The following PCNX1 variants were observed in gnomAD, a reference collection of about 807,000 sequenced individuals.
PCNX1 encodes pecanex 1.
A neutral mutation model predicts 242.2 loss-of-function variants in PCNX1; 78 were observed. The ratio of observed to expected loss-of-function variants is 0.32; its 90% CI spans 0.27 to 0.39. The LOEUF (loss-of-function observed/expected upper bound fraction) is 0.39. PCNX1 is among the 10% of genes least tolerant of loss of function. The probability of loss-of-function intolerance (pLI) is 1.00; values close to 1 mark genes in which losing one functional copy is unlikely to be tolerated. For synonymous variants in PCNX1, 1,024 were observed against 1,032.9 expected (o/e 0.99, Z 0.17); for missense variants, 2,581 against 2,856.5 (o/e 0.90, Z 2.20).
intron 1 of PCNX1, among the ~76,000 whole-genome samples, chr14:70,916,048 AAGTG>A (rs1478604800): frequency 6.6e-6 from 1 of 152,162 alleles, no homozygotes; most frequent in African/African-American, 2.4e-5. Flanking sequence ...TTAGAGGACA[AAGTG>A]AGTGTGTTCT....
chr14:71,042,839 G>T (rs180727927), intron 19 of PCNX1, among the ~76,000 whole-genome samples: 44 of 151,704 alleles, frequency 2.9e-4, no homozygotes, highest in South Asian at 2.1e-4. Flanking sequence ...AATTTGATTG[G>T]TTTTTTGTAG....
chr14:71,074,758 A>G (rs2061669905), intron 27 of PCNX1, among the ~76,000 whole-genome samples: 1 of 152,138 alleles, frequency 6.6e-6, no homozygotes, highest in African/African-American at 2.4e-5. Context: ...AGGGCATCCC[A>G]AGGCTTAGCG....
At chr14:70,920,113 T>C (rs1367252396) in intron 1 of PCNX1, among the ~76,000 whole-genome samples, 1 of 152,180 alleles carries the variant, frequency 6.6e-6, no homozygotes, top group Admixed American at 6.5e-5. Flanking sequence ...ATTATTGCAG[T>C]TGTCATCTTT....
At chr14:71,079,298 A>G (rs369802729) in intron 28 of PCNX1, among the ~76,000 whole-genome samples, 2 of 152,356 alleles carry the variant, frequency 1.3e-5, no homozygotes, top group East Asian at 1.9e-4. Context: ...CAGTGCTGCA[A>G]TAAATATACA....
intron 28 of PCNX1, among the ~76,000 whole-genome samples, chr14:71,077,787 A>T (rs2061755210): frequency 6.6e-6 from 1 of 152,208 alleles, no homozygotes; most frequent in South Asian, 2.1e-4. Context: ...ATACACTTAA[A>T]ATACTTCGCG....
chr14:71,039,165 A>G (rs923420588), intron 19 of PCNX1, among the ~76,000 whole-genome samples: 1 of 152,052 alleles, frequency 6.6e-6, no homozygotes, highest in Non-Finnish European at 1.5e-5. Context: ...TGGCACATGT[A>G]TACGTATGTA....
At chr14:71,089,629 G>A (rs1465895774) in intron 30 of PCNX1, among the ~76,000 whole-genome samples, 1 of 152,168 alleles carries the variant, frequency 6.6e-6, no homozygotes, top group East Asian at 1.9e-4. Flanking sequence ...CAGATCTCAT[G>A]AGAACTCACT....
At position 71,113,398 on chromosome 14, in the gene PCNX1, T is replaced by TG. The variant is rs1464642998; in HGVS notation, c.*3464dup. 6.5e-6 allele frequency: 1 copy of TG among 152,694 alleles called. No individual in the cohort carries two copies. Among genetic ancestry groups the TG allele is most frequent in the Non-Finnish European group, 1.5e-5 (1 of 68,052 alleles). The allele number at this position is 152,694 out of a possible 1,614,324, so 9.5% of individuals were successfully genotyped here. The stretch of plus-strand genomic sequence containing the variant: ...GTCAGGCAATGAAAATGTAAGTTTT[T>TG]GTGTAGAAAACCCATTAAGAAGATG... On this transcript the variant is annotated 3_prime_UTR_variant, in exon 36 of 36. Coordinates refer to ENST00000304743, the MANE Select transcript of PCNX1 (RefSeq NM_014982.3).
At chr14:71,083,148 ATTCTT>A (rs1427360403) in intron 28 of PCNX1, among the ~76,000 whole-genome samples, 1 of 152,152 alleles carries the variant, frequency 6.6e-6, no homozygotes, top group Admixed American at 6.6e-5. Context: ...TGGGTTGAAA[ATTCTT>A]TTCTTTAAGA....
intron 13 of PCNX1, among the ~76,000 whole-genome samples, chr14:71,024,364 G>GT (rs1430671771): frequency 6.6e-6 from 1 of 152,004 alleles, no homozygotes; most frequent in African/African-American, 2.4e-5. Flanking sequence ...CCTTGATTAT[G>GT]TTTAGTCTCT....
intron 19 of PCNX1, among the ~76,000 whole-genome samples, chr14:71,039,549 C>T (rs537888985): frequency 1.4e-4 from 21 of 152,288 alleles, no homozygotes; most frequent in African/African-American, 5.1e-4. Flanking sequence ...TTGGAAATGA[C>T]ATGCCACCAT....
intron 1 of PCNX1, among the ~76,000 whole-genome samples, chr14:70,933,584 T>G (rs756335497): frequency 2.0e-4 from 31 of 152,206 alleles, no homozygotes; most frequent in Non-Finnish European, 5.9e-5. Context: ...AGTTGAGTAG[T>G]TCCAACAGAT....
chr14:70,988,754 C>G, intron 7 of PCNX1, 55 bp downstream of exon 7: 1 of 1,553,868 alleles, frequency 6.4e-7, no homozygotes, highest in Non-Finnish European at 8.8e-7. Flanking sequence ...CCCTTCTAAT[C>G]TGTTCCGCCA....
chr14:70,923,857 T>C (rs955485931), intron 1 of PCNX1, among the ~76,000 whole-genome samples: 1 of 152,172 alleles, frequency 6.6e-6, no homozygotes, highest in African/African-American at 2.4e-5. Flanking sequence ...TCATTTCACA[T>C]GTGTCCAGGT....
intron 1 of PCNX1, among the ~76,000 whole-genome samples, chr14:70,939,084 C>T (rs1454252676): frequency 2.0e-5 from 3 of 152,144 alleles, no homozygotes; most frequent in Non-Finnish European, 4.4e-5. Context: ...AATCCAGCTC[C>T]TGGATTCATT....
Position 70,969,152 on chromosome 14 carries a change from G to T in PCNX1, c.604+42G>T, listed in dbSNP as rs762153185. 3.5e-6 allele frequency: 4 copies of T among 1,136,490 alleles called. No individual in the cohort carries two copies. The South Asian group carries it at 3.8e-5, about 11-fold the overall frequency. 70.4% of individuals were successfully genotyped at this position (1,136,490 alleles called of 1,614,324 possible). On this transcript the variant is annotated intron_variant, in intron 5 of 35. Transcript: ENST00000304743. The stretch of plus-strand genomic sequence containing the variant: ...TTACCATGATGTCATATACTGTGGT[G>T]ACCAGAGTTAATTTGTAGAATATGC...
chr14:71,076,919 T>C (rs988563867), intron 28 of PCNX1, among the ~76,000 whole-genome samples: 1 of 152,260 alleles, frequency 6.6e-6, no homozygotes, highest in Non-Finnish European at 1.5e-5. Flanking sequence ...TTGTAAATTT[T>C]ATTTAATTTT....
At chr14:70,931,984 G>A (rs371946725) in intron 1 of PCNX1, among the ~76,000 whole-genome samples, 36 of 152,322 alleles carry the variant, frequency 2.4e-4, no homozygotes, top group African/African-American at 5.5e-4. Context: ...TTAGCTGGGC[G>A]TGGTGGCACA....
At chr14:70,952,327 A>C (rs569444455) in intron 2 of PCNX1, among the ~76,000 whole-genome samples, 1 of 152,298 alleles carries the variant, frequency 6.6e-6, no homozygotes, top group South Asian at 2.1e-4. Context: ...TCAAGTGACT[A>C]CTTCATTACC....
Sources: allele counts gnomAD v4.1 joint callset (sites outside exome capture counted in the v4.1 genomes callset), GRCh38; gene constraint gnomAD v4.1.1; transcripts MANE v1.5; gene names NCBI Gene and HGNC (gene_info 2026-07-23, HGNC 2026-07-21).